The following AMPH variants were observed in gnomAD, a reference collection of about 807,000 sequenced individuals.
The protein encoded by AMPH is amphiphysin, also known as amphiphysin (Stiff-Mann syndrome with breast cancer 128kD autoantigen).
A neutral mutation model predicts 99.1 loss-of-function variants in AMPH; 49 were observed. The observed-to-expected ratio is 0.49, with a 90% CI of 0.39 to 0.63. The LOEUF (loss-of-function observed/expected upper bound fraction) is 0.63, where lower values mean the gene tolerates loss of function less well. Ranked by LOEUF, AMPH falls within the 20% of genes least tolerant of loss-of-function variation. AMPH has a pLI of 0.00. For synonymous variants in AMPH, 314 were observed against 317.3 expected, an observed-to-expected ratio of 0.99 and a Z score of 0.11; for missense variants, 759 against 863.4, an observed-to-expected ratio of 0.88 and a Z score of 1.52.
At chr7:38,435,080 C>T (rs754134473) in intron 12 of AMPH, among the ~76,000 whole-genome samples, 1 of 152,150 alleles carries the variant, frequency 6.6e-6, no homozygotes, top group Admixed American at 6.5e-5. Flanking sequence ...TATTCTAATG[C>T]ACATCATGAA....
chr7:38,614,632 A>G (rs4723772), intron 1 of AMPH, among the ~76,000 whole-genome samples: 124,249 of 152,158 alleles, frequency 0.82, 51,958 homozygotes, highest in African/African-American at 0.91. Context: ...GTTCAACTTA[A>G]GATGAGCTGT....
chr7:38,455,279 C>T (rs6966612), intron 11 of AMPH, among the ~76,000 whole-genome samples: 24,290 of 151,986 alleles, frequency 0.16, 2,145 homozygotes, highest in East Asian at 0.28. Context: ...CCTTGTTGGT[C>T]AGACTTGTCT....
intron 17 of AMPH, among the ~76,000 whole-genome samples, chr7:38,407,772 C>T (rs1785092804): frequency 6.6e-6 from 1 of 152,108 alleles, no homozygotes; most frequent in African/African-American, 2.4e-5. Context: ...AGTTAGAGAA[C>T]AGCCATCTTC....
chr7:38,576,039 T>C (rs1307781289), intron 1 of AMPH, among the ~76,000 whole-genome samples: 6 of 152,230 alleles, frequency 3.9e-5, no homozygotes, highest in Admixed American at 2.0e-4. Context: ...GCAAACATTT[T>C]ATAAGCCTCT....
At chr7:38,619,782 G>C (rs967827391) in intron 1 of AMPH, among the ~76,000 whole-genome samples, 2 of 152,172 alleles carry the variant, frequency 1.3e-5, no homozygotes, top group Non-Finnish European at 2.9e-5. Context: ...TCAACCTATA[G>C]TTTAGGAATG....
chr7:38,429,847 G>T lies in AMPH; in HGVS notation c.1177C>A (p.Gln393Lys). Residue 393 changes from glutamine to lysine, a missense_variant, in exon 14 of 21, where the codon CAG becomes AAG. By Grantham distance (53) the Gln-to-Lys change is moderately conservative. Transcript: ENST00000356264. ...TGATCTGGATATTTACCTACCGGCT[G>T]TACCAAATCAGTGCTTGTCTGTATG... ...DLWTTSTDLV[Q>K]PASGGSFNGF... 6.2e-7 allele frequency: 1 copy of T among 1,605,958 alleles called. No homozygotes were observed. Among genetic ancestry groups the T allele is most frequent in the Non-Finnish European group, 8.5e-7 (1 of 1,178,096 alleles).
chr7:38,512,657 G>T (rs7799083), intron 2 of AMPH, among the ~76,000 whole-genome samples: 2 of 151,968 alleles, frequency 1.3e-5, no homozygotes, highest in African/African-American at 4.8e-5. Context: ...CTTCCTCTAG[G>T]AGTGATTTCT....
intron 7 of AMPH, among the ~76,000 whole-genome samples, chr7:38,474,074 C>T (rs1170780021): frequency 3.3e-5 from 5 of 151,782 alleles, no homozygotes; most frequent in African/African-American, 1.2e-4. Flanking sequence ...CATCATAATA[C>T]ACAACAGGAT....
At chr7:38,416,324 T>A (rs1785385781) in intron 17 of AMPH, among the ~76,000 whole-genome samples, 1 of 152,014 alleles carries the variant, frequency 6.6e-6, no homozygotes, top group Non-Finnish European at 1.5e-5. Context: ...TTGAACACAG[T>A]AGCTTGTCTA....
chr7:38,442,924 G>C (rs567699404), intron 11 of AMPH, among the ~76,000 whole-genome samples: 1 of 152,088 alleles, frequency 6.6e-6, no homozygotes, highest in South Asian at 2.1e-4. Context: ...AAGACCACAG[G>C]CTAGTTATTT....
At chr7:38,447,467 C>A (rs746431286) in intron 11 of AMPH, among the ~76,000 whole-genome samples, 1 of 152,116 alleles carries the variant, frequency 6.6e-6, no homozygotes, top group South Asian at 2.1e-4. Context: ...AACTATGCAT[C>A]CTTTTGGGCA....
intron 4 of AMPH, among the ~76,000 whole-genome samples, chr7:38,492,617 T>C (rs1788764013): frequency 6.6e-6 from 1 of 152,216 alleles, no homozygotes; most frequent in Non-Finnish European, 1.5e-5. Context: ...GCTCAACTGC[T>C]GACGTGAGTA....
At chr7:38,410,323 T>C (rs1785473698) in intron 17 of AMPH, among the ~76,000 whole-genome samples, 3 of 152,142 alleles carry the variant, frequency 2.0e-5, no homozygotes, top group African/African-American at 4.8e-5. Context: ...AACCTGACCC[T>C]GTCAAGCACG....
At chr7:38,428,631 T>C (rs754450121) in intron 14 of AMPH, 2 of 456,686 alleles carry the variant, frequency 4.4e-6, no homozygotes, top group Admixed American at 4.7e-5. Context: ...ATCCCATCCC[T>C]CAGGGCTGCC....
At chr7:38,432,069 G>A in intron 13 of AMPH, 120 bp downstream of exon 13, 1 of 883,526 alleles carries the variant, frequency 1.1e-6, no homozygotes. Context: ...CATTCTAGGG[G>A]ACTATATCAT....
At chr7:38,601,303 C>G (rs987149206) in intron 1 of AMPH, among the ~76,000 whole-genome samples, 2 of 152,218 alleles carry the variant, frequency 1.3e-5, no homozygotes, top group African/African-American at 4.8e-5. Flanking sequence ...TCCCAAGAAG[C>G]AGGTGTCTGA....
Position 38,592,714 on chromosome 7 carries a change from G to C in AMPH, c.69+38569C>G, listed in dbSNP as rs191966467. Among the ~76,000 whole-genome samples, 619 of 147,068 alleles carry C rather than the reference G, an allele frequency of 4.2e-3. 2 individuals are homozygous for C. Among genetic ancestry groups the C allele is most frequent in the African/African-American group, 0.015 (586 of 39,832 alleles). On this transcript the variant is annotated intron_variant, in intron 1 of 20. Transcript: ENST00000356264. ...CCACTGCACTCCAGCCTGGGAGACA[G>C]AGCAAGACTCCGTCTCAAAAAAAAA...
chr7:38,452,475 T>G (rs117114549), intron 11 of AMPH, among the ~76,000 whole-genome samples: 350 of 152,350 alleles, frequency 2.3e-3, no homozygotes, highest in Admixed American at 3.5e-3. Context: ...ATGATACAGT[T>G]CATTCACTTA....
chr7:38,390,967 GA>G (rs1784471606), intron 19 of AMPH, among the ~76,000 whole-genome samples: 1 of 5,150 alleles, frequency 1.9e-4, no homozygotes, highest in African/African-American at 6.9e-4. Flanking sequence ...AAGACAGAGA[GA>G]GAGAGAGAGA....
Sources: allele counts gnomAD v4.1 joint callset (sites outside exome capture counted in the v4.1 genomes callset), GRCh38; gene constraint gnomAD v4.1.1; transcripts MANE v1.5; gene names NCBI Gene and HGNC (gene_info 2026-07-23, HGNC 2026-07-21).